KALRN: variants seen among roughly 807,000 people sequenced by gnomAD.
KALRN encodes the protein kalirin RhoGEF kinase.
In KALRN, 70 loss-of-function variants were observed where a neutral mutation model predicts 353.7. That is an observed-to-expected ratio of 0.20 (90% confidence interval 0.16 to 0.24). The LOEUF is 0.24. Ranked by LOEUF, KALRN falls within the 10% of genes least tolerant of loss-of-function variation. The pLI, the probability that KALRN is intolerant of heterozygous loss-of-function variation, is 1.00. For missense variants in KALRN, 2,791 were observed against 3,756.7 expected, an observed-to-expected ratio of 0.74 and a Z score of 6.72; for synonymous variants, 1,391 against 1,434.8, an observed-to-expected ratio of 0.97 and a Z score of 0.69.
At chr3:124,197,724 C>T (rs543414997) in intron 1 of KALRN, among the ~76,000 whole-genome samples, 1 of 152,358 alleles carries the variant, frequency 6.6e-6, no homozygotes, top group African/African-American at 2.4e-5. Context: ...GCCCTGACCA[C>T]AGACCCTATA....
intron 10 of KALRN, among the ~76,000 whole-genome samples, chr3:124,361,057 C>G (rs115241403): frequency 6.6e-6 from 1 of 152,258 alleles, no homozygotes; most frequent in Non-Finnish European, 1.5e-5. Context: ...ATCTTTGAAA[C>G]AGCTCTATAG....
intron 34 of KALRN, among the ~76,000 whole-genome samples, chr3:124,564,193 A>G (rs1316852784): frequency 7.7e-6 from 1 of 129,268 alleles, no homozygotes; most frequent in South Asian, 2.6e-4. Context: ...CGACAGAGCG[A>G]AACTCCGTCT....
At chr3:124,278,555 G>A (rs1560442378) in intron 5 of KALRN, among the ~76,000 whole-genome samples, 1 of 151,332 alleles carries the variant, frequency 6.6e-6, no homozygotes, top group African/African-American at 2.4e-5. Context: ...TGTCTACTGT[G>A]TGACAGGCCT....
chr3:124,193,428 T>C (rs1201594781), intron 1 of KALRN, among the ~76,000 whole-genome samples: 1 of 151,094 alleles, frequency 6.6e-6, no homozygotes, highest in Non-Finnish European at 1.5e-5. Flanking sequence ...GGATAAGCTA[T>C]TTCCTGAATT....
chr3:124,055,757 A>G (rs1160963359), intron 1 of KALRN, among the ~76,000 whole-genome samples: 1 of 152,218 alleles, frequency 6.6e-6, no homozygotes, highest in African/African-American at 2.4e-5. Context: ...GGATCTGACT[A>G]CAGAGATGGC....
chr3:124,321,370 G>T (rs1188458883), intron 6 of KALRN, among the ~76,000 whole-genome samples: 1 of 152,220 alleles, frequency 6.6e-6, no homozygotes, highest in Non-Finnish European at 1.5e-5. Context: ...AGAATAAGCA[G>T]TATTTCTTTC....
chr3:124,648,242 C>T (rs1171423595), intron 37 of KALRN, among the ~76,000 whole-genome samples: 1 of 152,242 alleles, frequency 6.6e-6, no homozygotes, highest in Non-Finnish European at 1.5e-5. Flanking sequence ...GACTATCTAG[C>T]ATATAGCTTT....
At chr3:124,461,856 A>G (rs774972364) in intron 23 of KALRN, 34 bp from the exon 24 acceptor site, 5 of 1,499,568 alleles carry the variant, frequency 3.3e-6, no homozygotes, top group Non-Finnish European at 4.6e-6. Context: ...CATTATATCT[A>G]TATCCAAGTA....
intron 42 of KALRN, 89 bp downstream of exon 42, chr3:124,658,606 A>G (rs1578732234): frequency 1.1e-6 from 1 of 944,720 alleles, no homozygotes. Flanking sequence ...TCATCCATCC[A>G]TATGTGACCC....
intron 34 of KALRN, among the ~76,000 whole-genome samples, chr3:124,617,006 T>C (rs2078685420): frequency 6.7e-6 from 1 of 150,292 alleles, no homozygotes; most frequent in Non-Finnish European, 1.5e-5. Context: ...GTTTTGTCCC[T>C]AGCTTTTCAT....
intron 55 of KALRN, among the ~76,000 whole-genome samples, chr3:124,698,843 T>G (rs1434513851): frequency 6.6e-6 from 1 of 152,230 alleles, no homozygotes; most frequent in Admixed American, 6.5e-5. Context: ...TGAATATATT[T>G]CTTCAGCAGT....
chr3:124,055,665 C>T (rs1215630816), intron 1 of KALRN, among the ~76,000 whole-genome samples: 1 of 152,198 alleles, frequency 6.6e-6, no homozygotes, highest in Non-Finnish European at 1.5e-5. Flanking sequence ...CTGACAGACT[C>T]ATGCGCTGAG....
chr3:124,512,236 T>A (rs1354641866), intron 33 of KALRN, among the ~76,000 whole-genome samples: 1 of 152,230 alleles, frequency 6.6e-6, no homozygotes. Context: ...GTAAGTCGGG[T>A]CCTCCACAAG....
At chr3:124,580,706 T>C (rs1056486390) in intron 34 of KALRN, among the ~76,000 whole-genome samples, 1 of 152,202 alleles carries the variant, frequency 6.6e-6, no homozygotes, top group African/African-American at 2.4e-5. Context: ...TGTTCACCAA[T>C]GTAGACCCAG....
intron 1 of KALRN, among the ~76,000 whole-genome samples, chr3:124,086,753 T>C (rs899599199): frequency 6.6e-6 from 1 of 152,216 alleles, no homozygotes; most frequent in Non-Finnish European, 1.5e-5. Flanking sequence ...GGTCTTTATA[T>C]GACCCCTATA....
intron 34 of KALRN, among the ~76,000 whole-genome samples, chr3:124,595,005 A>G (rs1362662303): frequency 3.3e-5 from 5 of 151,416 alleles, no homozygotes; most frequent in Non-Finnish European, 7.4e-5. Flanking sequence ...GAGATATACC[A>G]TGGGAAATAG....
At chr3:124,296,466 C>T (rs2076856447) in intron 5 of KALRN, among the ~76,000 whole-genome samples, 1 of 152,224 alleles carries the variant, frequency 6.6e-6, no homozygotes, top group Non-Finnish European at 1.5e-5. Context: ...ACTCTACTGC[C>T]ACTCCCGTAA....
At chr3:124,503,385 A>G (rs1205214784) in intron 33 of KALRN, among the ~76,000 whole-genome samples, 2 of 152,148 alleles carry the variant, frequency 1.3e-5, no homozygotes, top group Non-Finnish European at 2.9e-5. Flanking sequence ...GATTTTTCTC[A>G]AGGACTTGAT....
intron 15 of KALRN, among the ~76,000 whole-genome samples, chr3:124,428,723 G>A (rs900594869): frequency 1.3e-5 from 2 of 152,192 alleles, no homozygotes; most frequent in African/African-American, 4.8e-5. Flanking sequence ...AGGAAATGAT[G>A]TTATATAATT....
Sources: allele counts gnomAD v4.1 joint callset (sites outside exome capture counted in the v4.1 genomes callset), GRCh38; gene constraint gnomAD v4.1.1; transcripts MANE v1.5; gene names NCBI Gene and HGNC (gene_info 2026-07-23, HGNC 2026-07-21).